The following DPY19L2 variants were observed in gnomAD, a reference collection of about 807,000 sequenced individuals.
The protein encoded by DPY19L2 is probable C-mannosyltransferase DPY19L2.
Under a neutral mutation model 97.9 loss-of-function variants are expected in DPY19L2, and 34 were observed. The ratio of observed to expected loss-of-function variants is 0.35; its 90% CI spans 0.26 to 0.46. The LOEUF is 0.46. DPY19L2 is among the 20% of genes least tolerant of loss of function. The probability of loss-of-function intolerance (pLI) is 1.00; values close to 1 mark genes in which losing one functional copy is unlikely to be tolerated. For missense variants in DPY19L2, 623 were observed against 911.4 expected (o/e 0.68, Z 4.07); for synonymous variants, 230 against 307.9 (o/e 0.75, Z 2.65).
intron 19 of DPY19L2, among the ~76,000 whole-genome samples, chr12:63,576,216 G>T (rs115100325): frequency 6.6e-6 from 1 of 151,404 alleles, no homozygotes; most frequent in Non-Finnish European, 1.5e-5. Context: ...CCATAGATGC[G>T]GGAAAATCAT....
chr12:63,599,742 C>A (rs926807381), intron 13 of DPY19L2, among the ~76,000 whole-genome samples: 14 of 152,076 alleles, frequency 9.2e-5, no homozygotes, highest in African/African-American at 3.4e-4. Context: ...TTGAAAAGGG[C>A]TACTCTTTAA....
rs1306597813 is a variant in DPY19L2 at position 63,608,604 on chromosome 12, A to G, written c.1278+12T>C. ...AATTTAAATAAACTGCATTAAAAAC[A>G]TTGAATCTTACCCAAAAGTTGAGTT... is the stretch of plus-strand genomic sequence containing the variant. On this transcript the variant is annotated intron_variant, in intron 12 of 21. Coordinates refer to ENST00000324472, the MANE Select transcript of DPY19L2 (RefSeq NM_173812.5). 6.6e-7 allele frequency: 1 copy of G among 1,519,896 alleles called. No individual in the cohort carries two copies. 94.2% of individuals were successfully genotyped at this position (1,519,896 alleles called of 1,614,324 possible).
intron 6 of DPY19L2, among the ~76,000 whole-genome samples, chr12:63,642,002 C>G (rs1192999728): frequency 2.0e-5 from 3 of 152,194 alleles, no homozygotes; most frequent in East Asian, 3.9e-4. Context: ...TTCTTTATGA[C>G]TAATGATGGT....
At chr12:63,631,185 A>G (rs1168829336) in intron 6 of DPY19L2, among the ~76,000 whole-genome samples, 1 of 152,162 alleles carries the variant, frequency 6.6e-6, no homozygotes, top group Non-Finnish European at 1.5e-5. Flanking sequence ...AACACATTCA[A>G]AAGCTAGCAG....
At position 63,622,850 on chromosome 12, in the gene DPY19L2, C is replaced by T. The variant is rs903515892; in HGVS notation, c.953+1190G>A. 4.3e-4 allele frequency among the ~76,000 whole-genome samples: 66 copies of T among 152,140 alleles called. 1 individual carries two copies. The highest frequency in any genetic ancestry group is 1.5e-3 in the African/African-American group (64 of 41,514). ...CTGAGGCAGGAGAATCGCTTGAACC[C>T]GGGAAGCAGAGGTTGCAGTGAGCCG... On this transcript the variant is annotated intron_variant, in intron 8 of 21. Transcript: ENST00000324472.
chr12:63,591,509 C>T (rs2137457875), intron 16 of DPY19L2, among the ~76,000 whole-genome samples: 1 of 152,186 alleles, frequency 6.6e-6, no homozygotes, highest in African/African-American at 2.4e-5. Flanking sequence ...GATCATATTT[C>T]CCTCAGAAGG....
At chr12:63,630,698 A>T (rs1334593934) in intron 6 of DPY19L2, among the ~76,000 whole-genome samples, 2 of 152,088 alleles carry the variant, frequency 1.3e-5, no homozygotes, top group African/African-American at 2.4e-5. Context: ...AATTGAACTC[A>T]GCTCTGCACC....
chr12:63,630,356 A>C (rs1035275641), intron 6 of DPY19L2, among the ~76,000 whole-genome samples: 4 of 152,154 alleles, frequency 2.6e-5, no homozygotes, highest in Admixed American at 2.6e-4. Context: ...GGCTCAAAAT[A>C]AAGGGACAGA....
At position 63,580,881 on chromosome 12, in the gene DPY19L2, T is replaced by G. The variant is rs1880760043; in HGVS notation, c.1726-45A>C. 3 of 1,571,646 alleles carry G rather than the reference T, an allele frequency of 1.9e-6. No homozygotes were observed. In the South Asian group the frequency reaches 3.6e-5, roughly 19 times the overall value. Reference sequence around the variant, plus strand: ...TTATTTCTAGTTCTTATATGAAGAGTACCGTAGGGTCAACAATAAATTCTC... The same window carrying G: ...TTATTTCTAGTTCTTATATGAAGAGGACCGTAGGGTCAACAATAAATTCTC... On this transcript the variant is annotated intron_variant, in intron 18 of 21. Coordinates refer to ENST00000324472, the MANE Select transcript of DPY19L2 (RefSeq NM_173812.5).
At chr12:63,645,185 T>C (rs1181040677) in intron 5 of DPY19L2, among the ~76,000 whole-genome samples, 2 of 152,146 alleles carry the variant, frequency 1.3e-5, no homozygotes, top group South Asian at 4.1e-4. Context: ...ACTTTTCTTA[T>C]GGTTGAGAAA....
chr12:63,587,887 T>G (rs1882098246), intron 16 of DPY19L2, among the ~76,000 whole-genome samples: 1 of 152,074 alleles, frequency 6.6e-6, no homozygotes, highest in Non-Finnish European at 1.5e-5. Context: ...TAGTTAGACA[T>G]TTTAAGACAT....
intron 17 of DPY19L2, 146 bp from the exon 18 acceptor site, chr12:63,582,671 C>T (rs2942601): frequency 1.6e-5 from 15 of 929,848 alleles, no homozygotes; most frequent in African/African-American, 1.0e-4. Context: ...AATAATTTAT[C>T]GAATGTCTAC....
chr12:63,560,513 C>G lies in DPY19L2; in HGVS notation c.2276G>C (p.Ter759SerextTer25), dbSNP rs766409643. The change falls in exon 22 of 22, where the codon TGA becomes TCA. Residue 759 changes from the stop codon to serine, a stop_lost. Transcript: ENST00000324472. ...NSVYRVLKVN[*>S] Reference sequence around the variant, plus strand: ...ATAGTAAAATGGGTAGTATCCTTCTCAGTTAACCTTTAATACTCTGTACAC... The same window carrying G: ...ATAGTAAAATGGGTAGTATCCTTCTGAGTTAACCTTTAATACTCTGTACAC... 9.3e-6 allele frequency: 15 copies of G among 1,612,988 alleles called. No homozygotes were observed. The East Asian group carries it at 3.3e-4, about 36-fold the overall frequency.
chr12:63,581,002 T>A (rs1880788107), intron 18 of DPY19L2, among the ~76,000 whole-genome samples, 166 bp from the exon 19 acceptor site: 1 of 152,192 alleles, frequency 6.6e-6, no homozygotes, highest in Non-Finnish European at 1.5e-5. Flanking sequence ...AACGAATATA[T>A]TGGCATTACA....
At chr12:63,646,309 C>T (rs892543762) in intron 5 of DPY19L2, among the ~76,000 whole-genome samples, 4 of 152,130 alleles carry the variant, frequency 2.6e-5, no homozygotes, top group Non-Finnish European at 5.9e-5. Flanking sequence ...CAGGGTCACA[C>T]CTTCCAGCTG....
chr12:63,626,939 C>G (rs574408915), intron 6 of DPY19L2, among the ~76,000 whole-genome samples: 7 of 152,012 alleles, frequency 4.6e-5, no homozygotes, highest in Non-Finnish European at 1.0e-4. Context: ...CTGCCACACC[C>G]GGCTAATTTT....
At chr12:63,629,735 G>T (rs1279151339) in intron 6 of DPY19L2, among the ~76,000 whole-genome samples, 1 of 152,032 alleles carries the variant, frequency 6.6e-6, no homozygotes, top group Non-Finnish European at 1.5e-5. Context: ...GATACTCCTC[G>T]AGAAGAGCAA....
intron 12 of DPY19L2, among the ~76,000 whole-genome samples, chr12:63,604,593 C>T (rs2942666): frequency 2.0e-5 from 3 of 151,938 alleles, no homozygotes; most frequent in East Asian, 1.9e-4. Context: ...TCAAGAGCAC[C>T]GATTGCTTCC....
At position 63,604,638 on chromosome 12, in the gene DPY19L2, T is replaced by C. The variant is rs923854737; in HGVS notation, c.1278+3978A>G. On this transcript the variant is annotated intron_variant, in intron 12 of 21. Transcript: ENST00000324472. ...TTCACTCTGCTACCAAGTCCATTTA[T>C]TAAATTTTAATTTCAGTTATTGTAT... Among the ~76,000 whole-genome samples, 30 of 152,286 alleles carry C rather than the reference T, an allele frequency of 2.0e-4. No individual in the cohort carries two copies. In the Middle Eastern group the frequency reaches 0.014, roughly 69 times the overall value.
Sources: allele counts gnomAD v4.1 joint callset (sites outside exome capture counted in the v4.1 genomes callset), GRCh38; gene constraint gnomAD v4.1.1; transcripts MANE v1.5; gene names NCBI Gene and HGNC (gene_info 2026-07-23, HGNC 2026-07-21).